LSAMP: variants seen among roughly 807,000 people sequenced by gnomAD.
The protein encoded by LSAMP is limbic system-associated membrane protein.
LSAMP carries 7 observed loss-of-function variants against 38.6 expected under a neutral mutation model. The observed-to-expected ratio is 0.18, with a 90% confidence interval of 0.10 to 0.34. The LOEUF (loss-of-function observed/expected upper bound fraction) is 0.34, where lower values mean the gene tolerates loss of function less well. Among genes scored for constraint, LSAMP ranks in the 10% least tolerant of loss-of-function variants. The pLI is 1.00. For synonymous variants in LSAMP, 154 were observed against 166.8 expected (o/e 0.92, Z 0.59); for missense variants, 313 against 420.0 (o/e 0.75, Z 2.23).
chr3:116,410,441 T>C (rs2048957157), intron 1 of LSAMP, among the ~76,000 whole-genome samples: 1 of 151,962 alleles, frequency 6.6e-6, no homozygotes, highest in Non-Finnish European at 1.5e-5. Context: ...AATCCACCTC[T>C]AAAAGCAACT....
chr3:116,271,590 G>A (rs1021560019), intron 1 of LSAMP, among the ~76,000 whole-genome samples: 1 of 151,960 alleles, frequency 6.6e-6, no homozygotes, highest in Non-Finnish European at 1.5e-5. Flanking sequence ...AAACAGTTGG[G>A]GCCACATGCT....
At chr3:115,848,969 C>T (rs1211287119) in intron 4 of LSAMP, among the ~76,000 whole-genome samples, 1 of 152,178 alleles carries the variant, frequency 6.6e-6, no homozygotes. Flanking sequence ...TCTAGGTGTA[C>T]TGGGCACTAG....
Position 115,903,016 on chromosome 3 carries a change from A to G in LSAMP, c.515-50399T>C, listed in dbSNP as rs76815464. Among the ~76,000 whole-genome samples, 164 of 152,310 alleles carry G rather than the reference A, an allele frequency of 1.1e-3. 3 individuals are homozygous for G. The East Asian group carries it at 0.017, about 15-fold the overall frequency. On this transcript the variant is annotated intron_variant, in intron 3 of 6. Coordinates refer to ENST00000490035, the MANE Select transcript of LSAMP (RefSeq NM_002338.5). The stretch of plus-strand genomic sequence containing the variant: ...TACCCAAAGGATTATAAATTGTTCT[A>G]TCATGAAGATACATGCACGCATATA...
chr3:115,861,503 A>G lies in LSAMP; in HGVS notation c.515-8886T>C, dbSNP rs544309912. ...GCGGTGTCTGGGCTCAATGAGAGAG[A>G]GTGGCACTGTCCCCCTGGCGGTAGG... On this transcript the variant is annotated intron_variant, in intron 3 of 6. Coordinates refer to ENST00000490035, the MANE Select transcript of LSAMP (RefSeq NM_002338.5). Among the ~76,000 whole-genome samples, 15 of 136,456 alleles carry G rather than the reference A, an allele frequency of 1.1e-4. No individual in the cohort carries two copies. In the South Asian group the frequency reaches 3.3e-3, roughly 30 times the overall value. The allele number at this position is 136,456 out of a possible 152,430, so 89.5% of individuals were successfully genotyped here.
chr3:116,179,496 A>AT (rs1225821588), intron 1 of LSAMP, among the ~76,000 whole-genome samples: 2 of 152,152 alleles, frequency 1.3e-5, no homozygotes, highest in East Asian at 3.9e-4. Context: ...TGGGTAATTT[A>AT]TAAAGAGAAG....
At chr3:116,354,103 A>C (rs2048186844) in intron 1 of LSAMP, among the ~76,000 whole-genome samples, 1 of 152,132 alleles carries the variant, frequency 6.6e-6, no homozygotes, top group East Asian at 1.9e-4. Flanking sequence ...ATGGACTTTT[A>C]ATTCTGATCA....
intron 3 of LSAMP, among the ~76,000 whole-genome samples, chr3:116,017,997 G>A (rs1940533313): frequency 6.6e-6 from 1 of 152,126 alleles, no homozygotes. Context: ...TGCTCTGAAG[G>A]TTTAATTCAT....
intron 3 of LSAMP, among the ~76,000 whole-genome samples, chr3:115,882,014 C>T (rs1936336060): frequency 6.6e-6 from 1 of 152,092 alleles, no homozygotes; most frequent in African/African-American, 2.4e-5. Context: ...TAATGATAGA[C>T]TGTTTCAAGG....
chr3:116,111,637 CAT>C (rs1391265398), intron 1 of LSAMP, among the ~76,000 whole-genome samples: 3 of 152,106 alleles, frequency 2.0e-5, no homozygotes, highest in African/African-American at 7.2e-5. Flanking sequence ...TTTTAACACT[CAT>C]TTTTTGCCAT....
chr3:116,367,302 G>A (rs2048367163), intron 1 of LSAMP, among the ~76,000 whole-genome samples: 1 of 152,086 alleles, frequency 6.6e-6, no homozygotes, highest in Admixed American at 6.6e-5. Flanking sequence ...CTAGTGAAAG[G>A]TAAAAAGAGA....
At chr3:116,057,731 C>T (rs536428582) in intron 2 of LSAMP, among the ~76,000 whole-genome samples, 5 of 152,188 alleles carry the variant, frequency 3.3e-5, no homozygotes, top group East Asian at 1.9e-4. Flanking sequence ...ATTCTTATGA[C>T]GTCATTTGAA....
intron 3 of LSAMP, among the ~76,000 whole-genome samples, chr3:115,973,980 G>A (rs1939103280): frequency 6.6e-6 from 1 of 152,084 alleles, no homozygotes; most frequent in South Asian, 2.1e-4. Flanking sequence ...ATGAGGTCTT[G>A]AATAAAAATG....
intron 1 of LSAMP, among the ~76,000 whole-genome samples, chr3:116,402,015 C>A (rs528624229): frequency 6.6e-6 from 1 of 152,170 alleles, no homozygotes; most frequent in Non-Finnish European, 1.5e-5. Flanking sequence ...TTATTTCATG[C>A]TTCCATTATC....
At chr3:115,897,638 C>T (rs1936762147) in intron 3 of LSAMP, among the ~76,000 whole-genome samples, 1 of 152,086 alleles carries the variant, frequency 6.6e-6, no homozygotes, top group Non-Finnish European at 1.5e-5. Context: ...CTTTTATTCC[C>T]ATACAAATAT....
At chr3:116,320,399 C>T (rs954232776) in intron 1 of LSAMP, among the ~76,000 whole-genome samples, 4 of 151,906 alleles carry the variant, frequency 2.6e-5, no homozygotes, top group Non-Finnish European at 2.9e-5. Flanking sequence ...GGTGACAGAG[C>T]GAGGCTCTGT....
intron 1 of LSAMP, among the ~76,000 whole-genome samples, chr3:116,101,327 C>G (rs1035808398): frequency 1.3e-5 from 2 of 152,180 alleles, no homozygotes; most frequent in African/African-American, 4.8e-5. Context: ...ATTTTCTCTA[C>G]TCCTCTAGGT....
At chr3:116,312,063 T>C (rs971912495) in intron 1 of LSAMP, among the ~76,000 whole-genome samples, 6 of 152,216 alleles carry the variant, frequency 3.9e-5, no homozygotes, top group Non-Finnish European at 8.8e-5. Flanking sequence ...ATCAATGATA[T>C]TTTTGACTCA....
intron 2 of LSAMP, among the ~76,000 whole-genome samples, chr3:116,031,455 T>G (rs1462708300): frequency 6.7e-6 from 1 of 149,868 alleles, no homozygotes; most frequent in Non-Finnish European, 1.5e-5. Context: ...ATTTTGGGAA[T>G]CAGAAATGTG....
chr3:115,958,987 G>A (rs934733871), intron 3 of LSAMP, among the ~76,000 whole-genome samples: 5 of 152,110 alleles, frequency 3.3e-5, no homozygotes, highest in Admixed American at 6.5e-5. Flanking sequence ...ATTGTGCCTA[G>A]AGGGAGGAGT....
Sources: gnomAD v4.1 joint callset for allele counts (sites outside exome capture counted in the v4.1 genomes callset) on GRCh38, gnomAD v4.1.1 for gene constraint, MANE v1.5 for transcripts, NCBI Gene and HGNC (gene_info 2026-07-23, HGNC 2026-07-21) for gene names.